Variants in GALNT13 observed in about 807,000 individuals in gnomAD.
The protein encoded by GALNT13 is polypeptide N-acetylgalactosaminyltransferase 13, also known as UDP-GalNAc:polypeptide N-acetylgalactosaminyltransferase 13.
GALNT13 carries 28 observed loss-of-function variants against 64.2 expected under a neutral mutation model. The ratio of observed to expected loss-of-function variants is 0.44; its 90% CI spans 0.32 to 0.60. The LOEUF is 0.60. Ranked by LOEUF, GALNT13 falls within the 20% of genes least tolerant of loss-of-function variation. The pLI is 0.05. For synonymous variants in GALNT13, 214 were observed against 224.6 expected (o/e 0.95, Z 0.42); for missense variants, 577 against 669.8 (o/e 0.86, Z 1.53).
chr2:154,099,200 G>A (rs1574496241), intron 3 of GALNT13, among the ~76,000 whole-genome samples: 3 of 152,032 alleles, frequency 2.0e-5, no homozygotes, highest in Admixed American at 2.0e-4. Flanking sequence ...ATTTTTATTG[G>A]CTGCTTGCAT....
chr2:154,444,347 T>C (rs2105488929), intron 12 of GALNT13, among the ~76,000 whole-genome samples: 1 of 152,168 alleles, frequency 6.6e-6, no homozygotes, highest in Middle Eastern at 3.4e-3. Context: ...ATAGTAGAAA[T>C]GTAGCCAAAG....
At chr2:154,404,795 G>A (rs115571878) in intron 10 of GALNT13, among the ~76,000 whole-genome samples, 4,346 of 152,122 alleles carry the variant, frequency 0.029, 87 homozygotes, top group Non-Finnish European at 0.042. Flanking sequence ...AATGGGTGAG[G>A]TAAATGGGGT....
chr2:153,315,771 A>T, the GALNT13 span, among the ~76,000 whole-genome samples: 4 of 152,158 alleles, frequency 2.6e-5, no homozygotes, highest in East Asian at 7.7e-4. Flanking sequence ...AGTTGCTAAG[A>T]TTGGTCATAA....
At chr2:153,187,636 C>T in the GALNT13 span, 6 of 152,022 alleles carry the variant, frequency 3.9e-5, no homozygotes, top group Non-Finnish European at 8.8e-5. Flanking sequence ...TGATGTCTCC[C>T]ACATATATAC....
intron 3 of GALNT13, among the ~76,000 whole-genome samples, chr2:154,036,246 T>C (rs1698653701): frequency 6.6e-6 from 1 of 152,122 alleles, no homozygotes; most frequent in Non-Finnish European, 1.5e-5. Context: ...TTATATTTGC[T>C]TCACTTAAAT....
intron 4 of GALNT13, among the ~76,000 whole-genome samples, chr2:154,210,912 C>G (rs528200006): frequency 3.7e-4 from 56 of 152,062 alleles, no homozygotes; most frequent in Non-Finnish European, 7.5e-4. Flanking sequence ...AGAAATGACT[C>G]TTAGGTGTCT....
the GALNT13 span, among the ~76,000 whole-genome samples, chr2:153,449,121 T>A: frequency 3.3e-5 from 5 of 152,276 alleles, no homozygotes; most frequent in African/African-American, 1.2e-4. Context: ...AGAAGGTGGC[T>A]GTCTACAAGC....
the GALNT13 span, among the ~76,000 whole-genome samples, chr2:153,778,626 G>A: frequency 0.35 from 52,689 of 151,986 alleles, 9,561 homozygotes; most frequent in African/African-American, 0.4. Context: ...GACTCATAAT[G>A]GAAGACACTT....
chr2:154,125,637 G>C (rs1049380442), intron 3 of GALNT13, among the ~76,000 whole-genome samples: 1 of 152,106 alleles, frequency 6.6e-6, no homozygotes, highest in Non-Finnish European at 1.5e-5. Flanking sequence ...ATTCTCATTA[G>C]ATGGGAAAAA....
chr2:154,360,825 G>A (rs1205274364), intron 9 of GALNT13, among the ~76,000 whole-genome samples: 3 of 152,066 alleles, frequency 2.0e-5, no homozygotes, highest in African/African-American at 7.2e-5. Context: ...GGCAATTTAA[G>A]TCTATACAAG....
intron 11 of GALNT13, among the ~76,000 whole-genome samples, chr2:154,417,700 C>T (rs1559143706): frequency 6.6e-6 from 1 of 151,496 alleles, no homozygotes; most frequent in Non-Finnish European, 1.5e-5. Flanking sequence ...TTAGTAGAGA[C>T]AGGGTTTCAC....
intron 3 of GALNT13, among the ~76,000 whole-genome samples, chr2:154,115,543 C>T (rs1030256280): frequency 6.6e-6 from 1 of 152,024 alleles, no homozygotes; most frequent in African/African-American, 2.4e-5. Flanking sequence ...ACCTCAGCCC[C>T]CTGAGTAGCT....
At chr2:153,478,940 G>T in the GALNT13 span, 1 of 252,926 alleles carries the variant, frequency 4.0e-6, no homozygotes, top group Non-Finnish European at 7.5e-6. Flanking sequence ...CCGCCGCGCT[G>T]CGCGCTGCTC....
chr2:154,394,946 T>C lies in GALNT13; in HGVS notation c.1157-1045T>C, dbSNP rs1327213683. On this transcript the variant is annotated intron_variant, in intron 9 of 12. Coordinates refer to ENST00000392825, the MANE Select transcript of GALNT13 (RefSeq NM_052917.4). ...GAGCTAGTGAATGATGAGTTTTGAG[T>C]GTTGCTGCTTTGGAAAATAGTGGCT... Among the ~76,000 whole-genome samples the C allele has an allele frequency of 2.0e-5, 3 of 152,274 alleles. No homozygotes were observed. In the East Asian group the frequency reaches 5.8e-4, roughly 29 times the overall value.
the GALNT13 span, among the ~76,000 whole-genome samples, chr2:153,541,781 A>G: frequency 6.6e-6 from 1 of 152,124 alleles, no homozygotes; most frequent in African/African-American, 2.4e-5. Flanking sequence ...TTTTTGTTCA[A>G]CGTATTTCTA....
chr2:154,084,632 A>G (rs1249507331), intron 3 of GALNT13, among the ~76,000 whole-genome samples: 1 of 151,976 alleles, frequency 6.6e-6, no homozygotes, highest in Admixed American at 6.6e-5. Context: ...CATGCCAACT[A>G]TAATACAGAT....
At chr2:154,237,393 C>G (rs1689247709) in intron 4 of GALNT13, among the ~76,000 whole-genome samples, 1 of 150,986 alleles carries the variant, frequency 6.6e-6, no homozygotes, top group Admixed American at 6.6e-5. Context: ...TAGCCAAGTT[C>G]TATCTATTTG....
chr2:153,708,472 G>T, the GALNT13 span, among the ~76,000 whole-genome samples: 4 of 152,166 alleles, frequency 2.6e-5, no homozygotes, highest in South Asian at 8.3e-4. Context: ...TTATTTTATA[G>T]ATATGCATCT....
rs571183266 is a variant in GALNT13, at chr2:154,244,083, T to G, written c.686+1178T>G. On this transcript the variant is annotated intron_variant, in intron 6 of 12. Coordinates refer to ENST00000392825, the MANE Select transcript of GALNT13 (RefSeq NM_052917.4). The stretch of plus-strand genomic sequence containing the variant: ...ACTTAAAAATGAATTTCCTGGCAAA[T>G]TTTGGTACATTATGTTGTTTTTTTT... Among the ~76,000 whole-genome samples the G allele has an allele frequency of 1.9e-3, 296 of 152,128 alleles. 1 individual carries two copies. Among genetic ancestry groups the G allele is most frequent in the African/African-American group, 7.0e-3 (288 of 41,424 alleles).
Sources: gnomAD v4.1 joint callset for allele counts (sites outside exome capture counted in the v4.1 genomes callset) on GRCh38, gnomAD v4.1.1 for gene constraint, MANE v1.5 for transcripts, NCBI Gene and HGNC (gene_info 2026-07-23, HGNC 2026-07-21) for gene names.